The following SLC25A46 variants were observed in gnomAD, a reference collection of about 807,000 sequenced individuals.
The protein encoded by SLC25A46 is solute carrier family 25 member 46, also known as mitochondrial outer membrane protein SLC25A46.
SLC25A46 carries 39 observed loss-of-function variants against 44.6 expected under a neutral mutation model. That is an observed-to-expected ratio of 0.87 (90% CI 0.68 to 1.14). SLC25A46 has a LOEUF of 1.14. Among genes scored for constraint, SLC25A46 ranks in the 50% most tolerant of loss-of-function variants. The pLI is 0.00. For missense variants in SLC25A46, 547 were observed against 522.7 expected (o/e 1.05, Z -0.45); for synonymous variants, 202 against 185.8 (o/e 1.09, Z -0.71).
chr5:110,745,197 G>T (rs1303546490), intron 3 of SLC25A46, among the ~76,000 whole-genome samples: 1 of 152,088 alleles, frequency 6.6e-6, no homozygotes, highest in Non-Finnish European at 1.5e-5. Context: ...CCCTGAAAGG[G>T]TAATGGGGCC....
chr5:110,764,097 G>T lies in SLC25A46; in HGVS notation c.*2315G>T, dbSNP rs1268865905. On this transcript the variant is annotated 3_prime_UTR_variant, in exon 8 of 8. Transcript: ENST00000355943. ...GCTCAAAATAATATTTTTTAATTCA[G>T]TAGAACTAATAGCATTATGGAAAAG... 3 of 151,772 alleles carry T rather than the reference G, an allele frequency of 2.0e-5. No individual in the cohort carries two copies. The South Asian group carries it at 6.2e-4, about 31-fold the overall frequency. The allele number at this position is 151,772 out of a possible 1,614,324, so 9.4% of individuals were successfully genotyped here.
chr5:110,756,889 A>G (rs1373863654), intron 7 of SLC25A46, 130 bp downstream of exon 7: 1 of 506,232 alleles, frequency 2.0e-6, no homozygotes, highest in African/African-American at 2.0e-5. Flanking sequence ...TTTTATAAAT[A>G]TCACAGTTAT....
chr5:110,745,373 C>T (rs903933107), intron 3 of SLC25A46, among the ~76,000 whole-genome samples: 1 of 152,092 alleles, frequency 6.6e-6, no homozygotes, highest in Non-Finnish European at 1.5e-5. Context: ...CCTGCCTCAG[C>T]CTCCCGAGTA....
At chr5:110,758,646 G>T (rs1800171927) in intron 7 of SLC25A46, among the ~76,000 whole-genome samples, 1 of 152,058 alleles carries the variant, frequency 6.6e-6, no homozygotes, top group African/African-American at 2.4e-5. Context: ...GCCGGGTGTG[G>T]TAGTGGGCGC....
chr5:110,760,813 G>A (rs981444896), intron 7 of SLC25A46, among the ~76,000 whole-genome samples: 5 of 152,122 alleles, frequency 3.3e-5, no homozygotes, highest in Non-Finnish European at 7.4e-5. Flanking sequence ...GAGAAGTTAA[G>A]TAACTTGACA....
chr5:110,757,006 C>G (rs967827815), intron 7 of SLC25A46: 1 of 319,228 alleles, frequency 3.1e-6, no homozygotes, highest in East Asian at 5.0e-5. Context: ...ATTTAGACAT[C>G]TCAGAACACA....
chr5:110,754,250 C>T (rs1187824549), intron 5 of SLC25A46: 1 of 150,906 alleles, frequency 6.6e-6, no homozygotes. Flanking sequence ...GGAATGAGTA[C>T]CCATTCCATC....
chr5:110,759,156 T>C (rs1800184434), intron 7 of SLC25A46, among the ~76,000 whole-genome samples: 1 of 152,090 alleles, frequency 6.6e-6, no homozygotes, highest in African/African-American at 2.4e-5. Flanking sequence ...ATGGGGAAAG[T>C]AGACATAAAC....
In SLC25A46 at chr5:110,739,067, GC is replaced by G; in HGVS notation, c.-49del. On this transcript the variant is annotated 5_prime_UTR_variant, in exon 1 of 8. Coordinates refer to ENST00000355943, the MANE Select transcript of SLC25A46 (RefSeq NM_138773.4). ...AGCTGTGTGTGCTTAGGTCGTGGTG[GC>G]CCCGGTGGTGGTGGGCTCCGGGCGG... 1.3e-6 allele frequency: 2 copies of G among 1,528,868 alleles called. No individual in the cohort carries two copies. 94.7% of individuals were successfully genotyped at this position (1,528,868 alleles called of 1,614,324 possible). A position where few individuals can be genotyped will look rare whatever the true frequency, so the allele number is the denominator to read the frequency against.
intron 5 of SLC25A46, among the ~76,000 whole-genome samples, chr5:110,750,861 T>C (rs1035627292): frequency 1.3e-5 from 2 of 152,138 alleles, no homozygotes; most frequent in African/African-American, 4.8e-5. Flanking sequence ...ATGCAAGTAA[T>C]GTTGCCTCTC....
intron 5 of SLC25A46, among the ~76,000 whole-genome samples, chr5:110,751,079 C>T (rs916725021): frequency 4.6e-5 from 7 of 152,048 alleles, no homozygotes; most frequent in African/African-American, 1.7e-4. Context: ...CATTGTTCTA[C>T]TTGGATAATT....
At chr5:110,760,281 T>A (rs574294201) in intron 7 of SLC25A46, among the ~76,000 whole-genome samples, 1 of 152,146 alleles carries the variant, frequency 6.6e-6, no homozygotes. Flanking sequence ...CCACTTTACT[T>A]CTGTTGCCAC....
chr5:110,756,005 T>G (rs1043282718), intron 6 of SLC25A46: 1 of 152,288 alleles, frequency 6.6e-6, no homozygotes, highest in Non-Finnish European at 1.5e-5. Flanking sequence ...GATTGTGAAT[T>G]GGAAATCCCC....
intron 5 of SLC25A46, 138 bp downstream of exon 5, chr5:110,748,401 A>G (rs1799875100): frequency 7.8e-6 from 5 of 641,696 alleles, no homozygotes; most frequent in Non-Finnish European, 1.4e-5. Flanking sequence ...CTCTCATCCA[A>G]CAATTCTCAA....
chr5:110,750,016 G>A (rs749289822), intron 5 of SLC25A46, among the ~76,000 whole-genome samples: 1 of 152,064 alleles, frequency 6.6e-6, no homozygotes, highest in South Asian at 2.1e-4. Flanking sequence ...CATTGTTAAA[G>A]AAGTGAGATA....
At chr5:110,738,702 A>C, upstream of SLC25A46, 1 of 226,768 alleles carries the variant, frequency 4.4e-6, no homozygotes, top group Non-Finnish European at 8.7e-6. Flanking sequence ...GACATGGGGT[A>C]TTTCTGGCCG....
rs1799708583 is a variant in SLC25A46, at chr5:110,742,207, G to C, written c.326+118G>C. The C allele has an allele frequency of 4.8e-6, 3 of 621,812 alleles. No individual in the cohort carries two copies. The South Asian group carries it at 9.3e-5, about 19-fold the overall frequency. 38.5% of individuals were successfully genotyped at this position (621,812 alleles called of 1,614,324 possible). On this transcript the variant is annotated intron_variant, in intron 2 of 7. Coordinates refer to ENST00000355943, the MANE Select transcript of SLC25A46 (RefSeq NM_138773.4). ...TTTAGGTTGTTTCTTTGAAGCAGCA[G>C]CTTAAATTTTGAATAATATTTTGCA...
At chr5:110,739,794 GA>G (rs780648265) in intron 1 of SLC25A46, among the ~76,000 whole-genome samples, 1 of 152,172 alleles carries the variant, frequency 6.6e-6, no homozygotes, top group Non-Finnish European at 1.5e-5. Context: ...GTTCTGAAAA[GA>G]GAAGCCTTTC....
At chr5:110,756,667 T>G in intron 6 of SLC25A46, 35 bp from the exon 7 acceptor site, 1 of 1,436,814 alleles carries the variant, frequency 7.0e-7, no homozygotes, top group Non-Finnish European at 9.5e-7. Flanking sequence ...GCATCTTGTT[T>G]CAGTATACTG....
Sources: gnomAD v4.1 joint callset for allele counts (sites outside exome capture counted in the v4.1 genomes callset) on GRCh38, gnomAD v4.1.1 for gene constraint, MANE v1.5 for transcripts, NCBI Gene and HGNC (gene_info 2026-07-23, HGNC 2026-07-21) for gene names.